The following LRRTM4 variants were observed in gnomAD, a reference collection of about 807,000 sequenced individuals.
LRRTM4 encodes leucine rich repeat transmembrane neuronal 4.
LRRTM4 carries 25 observed loss-of-function variants against 47.6 expected under a neutral mutation model. The observed-to-expected ratio is 0.53, with a 90% CI of 0.38 to 0.73. LRRTM4 has a LOEUF of 0.73. Ranked by LOEUF, LRRTM4 falls within the 30% of genes least tolerant of loss-of-function variation. The pLI, the probability that LRRTM4 is intolerant of heterozygous loss-of-function variation, is 0.00. For missense variants in LRRTM4, 638 were observed against 713.4 expected (o/e 0.89, Z 1.20); for synonymous variants, 311 against 269.5 (o/e 1.15, Z -1.51).
intron 3 of LRRTM4, among the ~76,000 whole-genome samples, chr2:77,317,993 C>G (rs542600949): frequency 6.8e-6 from 1 of 148,122 alleles, no homozygotes; most frequent in South Asian, 2.1e-4. Context: ...CCTTTAAATT[C>G]CTAACACTTT....
intron 3 of LRRTM4, among the ~76,000 whole-genome samples, chr2:77,228,865 C>T (rs1674887872): frequency 6.6e-6 from 1 of 152,136 alleles, no homozygotes; most frequent in African/African-American, 2.4e-5. Context: ...AATAAGTGTG[C>T]ATGAGGGATC....
intron 3 of LRRTM4, among the ~76,000 whole-genome samples, chr2:77,272,899 A>G (rs1289761733): frequency 6.6e-6 from 1 of 152,180 alleles, no homozygotes; most frequent in Non-Finnish European, 1.5e-5. Flanking sequence ...AATACAATGG[A>G]CCAAGACAGA....
chr2:77,018,672 A>T (rs1183786159), intron 3 of LRRTM4, among the ~76,000 whole-genome samples: 3 of 152,206 alleles, frequency 2.0e-5, no homozygotes, highest in Non-Finnish European at 4.4e-5. Context: ...TTGAATTACT[A>T]ATAGTTCAGA....
intron 3 of LRRTM4, among the ~76,000 whole-genome samples, chr2:77,263,321 G>A (rs6716506): frequency 0.13 from 19,024 of 152,016 alleles, 3,996 homozygotes; most frequent in African/African-American, 0.43. Flanking sequence ...TCTAATAGGT[G>A]AATTGTGGTT....
chr2:77,220,983 C>T (rs1365687178), intron 3 of LRRTM4, among the ~76,000 whole-genome samples: 1 of 152,168 alleles, frequency 6.6e-6, no homozygotes, highest in Admixed American at 6.5e-5. Flanking sequence ...CAAAGGGAAG[C>T]CCATCAGACT....
intron 3 of LRRTM4, among the ~76,000 whole-genome samples, chr2:77,280,780 A>G (rs961193656): frequency 2.6e-5 from 4 of 152,048 alleles, no homozygotes; most frequent in African/African-American, 7.2e-5. Context: ...TTGCATATGA[A>G]TAATTCTAAA....
intron 3 of LRRTM4, among the ~76,000 whole-genome samples, chr2:77,394,716 C>T (rs529744603): frequency 2.0e-5 from 3 of 151,962 alleles, no homozygotes; most frequent in South Asian, 2.1e-4. Context: ...AACTCATATT[C>T]ACTTTGGGGT....
chr2:76,907,120 G>T (rs1015283329), intron 3 of LRRTM4, among the ~76,000 whole-genome samples: 302 of 151,510 alleles, frequency 2.0e-3, no homozygotes, highest in African/African-American at 6.9e-3. Context: ...AAATGTAAAA[G>T]AACAGAAATT....
chr2:77,042,447 C>G (rs915111661), intron 3 of LRRTM4, among the ~76,000 whole-genome samples: 3 of 151,470 alleles, frequency 2.0e-5, no homozygotes, highest in Non-Finnish European at 3.0e-5. Context: ...GAGATTATCT[C>G]TATTATAAAA....
intron 3 of LRRTM4, among the ~76,000 whole-genome samples, chr2:77,099,159 G>A (rs186345375): frequency 1.3e-5 from 2 of 151,526 alleles, no homozygotes; most frequent in Admixed American, 6.6e-5. Context: ...TGTTCACAAC[G>A]GTATGAATTC....
chr2:77,427,427 C>T (rs946620284), intron 3 of LRRTM4, among the ~76,000 whole-genome samples: 25 of 151,916 alleles, frequency 1.6e-4, no homozygotes, highest in African/African-American at 6.0e-4. Context: ...AAATATTTAC[C>T]CTTTACCAAG....
chr2:77,364,065 T>C (rs1298003671), intron 3 of LRRTM4, among the ~76,000 whole-genome samples: 2 of 151,858 alleles, frequency 1.3e-5, no homozygotes, highest in Non-Finnish European at 2.9e-5. Context: ...AAAGGGAAAT[T>C]TTCATTGAAA....
chr2:77,155,151 A>C (rs1379326798), intron 3 of LRRTM4, among the ~76,000 whole-genome samples: 1 of 148,392 alleles, frequency 6.7e-6, no homozygotes, highest in African/African-American at 2.4e-5. Flanking sequence ...CACAAAGTAC[A>C]TTTTGATTTT....
chr2:77,184,717 C>T (rs200937970), intron 3 of LRRTM4, among the ~76,000 whole-genome samples: 1 of 152,024 alleles, frequency 6.6e-6, no homozygotes, highest in East Asian at 1.9e-4. Context: ...AAACTGATAT[C>T]TACATAAATG....
At chr2:77,248,037 A>G (rs1048877945) in intron 3 of LRRTM4, among the ~76,000 whole-genome samples, 2 of 150,844 alleles carry the variant, frequency 1.3e-5, no homozygotes, top group African/African-American at 4.8e-5. Flanking sequence ...AATAATGATT[A>G]TTAGACATTC....
intron 3 of LRRTM4, among the ~76,000 whole-genome samples, chr2:77,022,492 G>A (rs1678308689): frequency 6.6e-6 from 1 of 152,106 alleles, no homozygotes; most frequent in South Asian, 2.1e-4. Flanking sequence ...TCTGAGACAA[G>A]GCAAGTCCCT....
intron 3 of LRRTM4, among the ~76,000 whole-genome samples, chr2:77,172,158 T>C (rs188185540): frequency 5.9e-5 from 9 of 152,282 alleles, no homozygotes; most frequent in Admixed American, 5.2e-4. Flanking sequence ...GCCATAAATA[T>C]AAGAGATTCT....
At position 77,124,962 on chromosome 2, in the gene LRRTM4, A is replaced by G. The variant is rs184454599; in HGVS notation, c.1552-376046T>C. Among the ~76,000 whole-genome samples the G allele has an allele frequency of 5.4e-3, 829 of 152,296 alleles. 19 individuals are homozygous for G. The highest frequency in any genetic ancestry group is 0.046 in the Admixed American group (704 of 15,280). On this transcript the variant is annotated intron_variant, in intron 3 of 3. Coordinates refer to ENST00000409884, the MANE Select transcript of LRRTM4 (RefSeq NM_001134745.3). ...CTTTCACAGCATTCTGAGCCTAGTT[A>G]AGCAGGACATGTTTTGAAAAAGCAT... is the stretch of plus-strand genomic sequence containing the variant.
At chr2:76,987,731 C>T (rs553413053) in intron 3 of LRRTM4, among the ~76,000 whole-genome samples, 6 of 151,854 alleles carry the variant, frequency 4.0e-5, no homozygotes, top group East Asian at 3.9e-4. Context: ...ACAACCAGTA[C>T]GACAGAGTCT....
Sources: allele counts gnomAD v4.1 joint callset (sites outside exome capture counted in the v4.1 genomes callset), GRCh38; gene constraint gnomAD v4.1.1; transcripts MANE v1.5; gene names NCBI Gene and HGNC (gene_info 2026-07-23, HGNC 2026-07-21).